APBA2: variants seen among roughly 807,000 people sequenced by gnomAD.
The protein encoded by APBA2 is amyloid-beta A4 precursor protein-binding family A member 2.
In APBA2, 30 loss-of-function variants were observed where a neutral mutation model predicts 75.0. That is an observed-to-expected ratio of 0.40 (90% CI 0.30 to 0.54). The LOEUF (loss-of-function observed/expected upper bound fraction) is 0.54, where lower values mean the gene tolerates loss of function less well. Ranked by LOEUF, APBA2 falls within the 20% of genes least tolerant of loss-of-function variation. The probability of loss-of-function intolerance (pLI) is 0.49; values close to 1 mark genes in which losing one functional copy is unlikely to be tolerated. For missense variants in APBA2, 801 were observed against 1,016.1 expected, an observed-to-expected ratio of 0.79 and a Z score of 2.88; for synonymous variants, 444 against 409.6, an observed-to-expected ratio of 1.08 and a Z score of -1.01.
At chr15:29,104,327 G>T (rs1349580497) in intron 10 of APBA2, among the ~76,000 whole-genome samples, 1 of 152,226 alleles carries the variant, frequency 6.6e-6, no homozygotes, top group Non-Finnish European at 1.5e-5. Flanking sequence ...GGGAGGCCCC[G>T]CTGTGGGCTG....
intron 2 of APBA2, among the ~76,000 whole-genome samples, chr15:28,933,862 G>A (rs939782370): frequency 1.3e-5 from 2 of 152,218 alleles, no homozygotes; most frequent in Admixed American, 6.5e-5. Flanking sequence ...TGATGCTGGA[G>A]CGCAAGGAGG....
chr15:29,042,285 C>A (rs368534316), intron 3 of APBA2, among the ~76,000 whole-genome samples: 2 of 152,162 alleles, frequency 1.3e-5, no homozygotes, highest in East Asian at 1.9e-4. Context: ...CTCGCTGTCT[C>A]TTCTTTTCTT....
intron 14 of APBA2, among the ~76,000 whole-genome samples, chr15:29,115,018 A>AG (rs939199087): frequency 1.3e-5 from 2 of 151,184 alleles, no homozygotes; most frequent in South Asian, 2.1e-4. Flanking sequence ...GTGTGTGTGT[A>AG]GGGGTGTGTG....
intron 3 of APBA2, among the ~76,000 whole-genome samples, chr15:29,034,106 A>G (rs1312243068): frequency 3.3e-5 from 5 of 152,150 alleles, no homozygotes; most frequent in Non-Finnish European, 5.9e-5. Context: ...GAGTATTGCC[A>G]AAAAAGGAAC....
At position 28,966,952 on chromosome 15, in the gene APBA2, G is replaced by A. The variant is rs910500588; in HGVS notation, c.-94-28801G>A. 3.9e-5 allele frequency among the ~76,000 whole-genome samples: 6 copies of A among 152,000 alleles called. No homozygotes were observed. In the East Asian group the frequency reaches 5.8e-4, roughly 15 times the overall value. On this transcript the variant is annotated intron_variant, in intron 2 of 14. Coordinates refer to ENST00000683413, the MANE Select transcript of APBA2 (RefSeq NM_001353788.2). Reference sequence around the variant, plus strand: ...TATAATTGTCTTAAGTATTTCCTCCGTATCCACTGAGTACCTTATCGTATG... The same window carrying A: ...TATAATTGTCTTAAGTATTTCCTCCATATCCACTGAGTACCTTATCGTATG...
intron 4 of APBA2, among the ~76,000 whole-genome samples, chr15:29,059,822 A>T (rs2042054482): frequency 6.6e-6 from 1 of 152,182 alleles, no homozygotes; most frequent in Non-Finnish European, 1.5e-5. Context: ...TTGGCAAATG[A>T]CTTTGGGAAA....
chr15:28,916,986 A>G (rs1481356231), intron 1 of APBA2, among the ~76,000 whole-genome samples: 1 of 152,210 alleles, frequency 6.6e-6, no homozygotes, highest in Non-Finnish European at 1.5e-5. Context: ...GAAAGGCTTC[A>G]TTCTAAAGAA....
At chr15:29,043,263 C>T (rs1386894555) in intron 3 of APBA2, among the ~76,000 whole-genome samples, 1 of 152,126 alleles carries the variant, frequency 6.6e-6, no homozygotes, top group African/African-American at 2.4e-5. Context: ...CAGATCATCG[C>T]CCTTTGCGTA....
At chr15:29,108,144 C>A in intron 12 of APBA2, 126 bp from the exon 13 acceptor site, 1 of 1,383,278 alleles carries the variant, frequency 7.2e-7, no homozygotes, top group South Asian at 1.2e-5. Flanking sequence ...TGAGAGGGGA[C>A]TGCCTGCCTC....
At chr15:28,958,594 A>G (rs1386286168) in intron 2 of APBA2, among the ~76,000 whole-genome samples, 1 of 152,178 alleles carries the variant, frequency 6.6e-6, no homozygotes, top group Non-Finnish European at 1.5e-5. Context: ...TGTCAGCGGC[A>G]CAGAGCTCTG....
At chr15:29,085,978 G>C (rs1310896905) in intron 6 of APBA2, among the ~76,000 whole-genome samples, 2 of 152,186 alleles carry the variant, frequency 1.3e-5, no homozygotes, top group African/African-American at 4.8e-5. Flanking sequence ...CCCTCCCCCT[G>C]TGTGGGGGAT....
In APBA2 at chr15:29,089,110, T is replaced by C. The variant is rs1198687194; in HGVS notation, c.1070-3965T>C. The stretch of plus-strand genomic sequence containing the variant: ...TTTGAGCATTCACCATGGCCCATCC[T>C]GATGCATTTGTTCTGTGGCTGTGGG... On this transcript the variant is annotated intron_variant, in intron 6 of 14. Transcript: ENST00000683413. Among the ~76,000 whole-genome samples, 4 of 152,328 alleles carry C rather than the reference T, an allele frequency of 2.6e-5. No homozygotes were observed. The East Asian group carries it at 7.7e-4, about 29-fold the overall frequency.
chr15:29,030,039 A>T (rs1306976884), intron 3 of APBA2, among the ~76,000 whole-genome samples: 2 of 152,208 alleles, frequency 1.3e-5, no homozygotes, highest in South Asian at 2.1e-4. Context: ...TGTGGCCCCA[A>T]CAAGGCTGCA....
intron 3 of APBA2, among the ~76,000 whole-genome samples, chr15:29,005,364 G>A (rs1043154586): frequency 1.3e-5 from 2 of 151,852 alleles, no homozygotes; most frequent in African/African-American, 4.8e-5. Flanking sequence ...GGGCTCAAGC[G>A]GTCCTCCCAC....
At chr15:28,950,626 C>CA (rs200506534) in intron 2 of APBA2, among the ~76,000 whole-genome samples, 35,504 of 131,444 alleles carry the variant, frequency 0.27, 7,540 homozygotes, top group African/African-American at 0.57. Context: ...GATTCTGTCT[C>CA]AAAAAAAAAA....
chr15:28,994,390 A>G (rs2038396870), intron 2 of APBA2, among the ~76,000 whole-genome samples: 1 of 152,070 alleles, frequency 6.6e-6, no homozygotes, highest in East Asian at 1.9e-4. Flanking sequence ...CTCCTTGCAA[A>G]GGGCCAGGAT....
intron 3 of APBA2, chr15:29,044,348 C>T (rs528808871): frequency 2.0e-5 from 3 of 152,122 alleles, no homozygotes; most frequent in Non-Finnish European, 2.9e-5. Context: ...TGTCGGGGGC[C>T]GCATTAGCTA....
At chr15:28,911,979 C>T (rs1289803122) in intron 1 of APBA2, among the ~76,000 whole-genome samples, 1 of 152,216 alleles carries the variant, frequency 6.6e-6, no homozygotes, top group Non-Finnish European at 1.5e-5. Flanking sequence ...TCAAGAGCAT[C>T]ATCTTCGGAA....
intron 2 of APBA2, among the ~76,000 whole-genome samples, chr15:28,962,589 A>C (rs1185469580): frequency 2.0e-5 from 3 of 151,010 alleles, no homozygotes; most frequent in African/African-American, 7.4e-5. Flanking sequence ...AATAGTAATA[A>C]TAATAATAAA....
Sources: gnomAD v4.1 joint callset for allele counts (sites outside exome capture counted in the v4.1 genomes callset) on GRCh38, gnomAD v4.1.1 for gene constraint, MANE v1.5 for transcripts, NCBI Gene and HGNC (gene_info 2026-07-23, HGNC 2026-07-21) for gene names.